The following GALNTL6 variants were observed in gnomAD, a reference collection of about 807,000 sequenced individuals.
GALNTL6 encodes the protein polypeptide N-acetylgalactosaminyltransferase like 6.
In GALNTL6, 46 loss-of-function variants were observed where a neutral mutation model predicts 73.7. That is an observed-to-expected ratio of 0.62 (90% CI 0.49 to 0.80). The LOEUF (loss-of-function observed/expected upper bound fraction) is 0.80. Among genes scored for constraint, GALNTL6 ranks in the 30% least tolerant of loss-of-function variants. GALNTL6 has a pLI of 0.00. For synonymous variants in GALNTL6, 259 were observed against 263.7 expected, an observed-to-expected ratio of 0.98 and a Z score of 0.17; for missense variants, 604 against 755.0, an observed-to-expected ratio of 0.80 and a Z score of 2.34.
intron 2 of GALNTL6, among the ~76,000 whole-genome samples, chr4:172,214,056 C>T (rs975811652): frequency 1.7e-4 from 26 of 152,294 alleles, no homozygotes; most frequent in African/African-American, 5.8e-4. Context: ...TGTACAGACT[C>T]TCCTTTCTCC....
At chr4:172,471,522 C>G (rs761691337) in intron 5 of GALNTL6, among the ~76,000 whole-genome samples, 1 of 152,024 alleles carries the variant, frequency 6.6e-6, no homozygotes, top group Non-Finnish European at 1.5e-5. Context: ...CTTTTTTTCT[C>G]TTCTGTATTT....
chr4:171,960,371 G>C (rs148618128), intron 2 of GALNTL6, among the ~76,000 whole-genome samples: 403 of 152,120 alleles, frequency 2.6e-3, no homozygotes, highest in Non-Finnish European at 4.0e-3. Flanking sequence ...CTGCCTCCCA[G>C]GTTCAAGTGA....
chr4:171,921,735 G>A (rs1012207628), intron 2 of GALNTL6, among the ~76,000 whole-genome samples: 4 of 151,960 alleles, frequency 2.6e-5, no homozygotes, highest in Non-Finnish European at 5.9e-5. Context: ...CACTTTCAAA[G>A]GAGCTTTAAG....
chr4:172,524,722 G>C (rs1000765848), intron 5 of GALNTL6, among the ~76,000 whole-genome samples: 2 of 152,050 alleles, frequency 1.3e-5, no homozygotes, highest in Non-Finnish European at 2.9e-5. Context: ...TTCCAGTTTT[G>C]TCTTTTTTGA....
At chr4:172,253,053 A>G (rs759433448) in intron 3 of GALNTL6, among the ~76,000 whole-genome samples, 4 of 152,050 alleles carry the variant, frequency 2.6e-5, no homozygotes, top group Admixed American at 6.6e-5. Flanking sequence ...TATGCTTTGT[A>G]TGATCATAAA....
At chr4:172,393,007 G>A (rs1743720312) in intron 5 of GALNTL6, among the ~76,000 whole-genome samples, 1 of 152,140 alleles carries the variant, frequency 6.6e-6, no homozygotes, top group East Asian at 1.9e-4. Context: ...TGGAGCACAA[G>A]CCCTATTGTG....
chr4:172,040,089 A>G lies in GALNTL6; in HGVS notation c.139-189567A>G, dbSNP rs185522310. ...TAGTGTGCAACATACTTTGAAAGAA[A>G]CACAAAAACAAGGTCCCTGGGATGC... On this transcript the variant is annotated intron_variant, in intron 2 of 12. Coordinates refer to ENST00000506823, the MANE Select transcript of GALNTL6 (RefSeq NM_001034845.3). Among the ~76,000 whole-genome samples, 13 of 152,260 alleles carry G rather than the reference A, an allele frequency of 8.5e-5. No individual in the cohort carries two copies. The East Asian group carries it at 1.9e-3, about 23-fold the overall frequency.
chr4:172,142,705 CCTGT>C (rs1733832398), intron 2 of GALNTL6, among the ~76,000 whole-genome samples: 1 of 151,740 alleles, frequency 6.6e-6, no homozygotes, highest in Non-Finnish European at 1.5e-5. Context: ...AGTAATTCTG[CCTGT>C]CTTAGAATTT....
chr4:172,919,536 T>G (rs1224343587), intron 8 of GALNTL6, among the ~76,000 whole-genome samples: 1 of 152,202 alleles, frequency 6.6e-6, no homozygotes, highest in Non-Finnish European at 1.5e-5. Context: ...ACAGCCCAAG[T>G]GAGCGGCAAA....
intron 2 of GALNTL6, chr4:172,052,624 G>A (rs1056166818): frequency 4.1e-6 from 3 of 733,828 alleles, no homozygotes; most frequent in African/African-American, 3.5e-5. Context: ...AGGACTTTAG[G>A]GTCACGTAGT....
intron 7 of GALNTL6, among the ~76,000 whole-genome samples, chr4:172,827,220 G>C (rs1742316918): frequency 6.6e-6 from 1 of 152,130 alleles, no homozygotes; most frequent in Non-Finnish European, 1.5e-5. Flanking sequence ...CTGAGCCCTA[G>C]CTTTGGTTTG....
chr4:172,910,798 G>A (rs922978896), intron 8 of GALNTL6, among the ~76,000 whole-genome samples: 5 of 152,206 alleles, frequency 3.3e-5, no homozygotes, highest in African/African-American at 1.2e-4. Flanking sequence ...TTCCACAGGT[G>A]TGGATCCCAG....
chr4:172,750,407 CA>C (rs1465538424), intron 5 of GALNTL6, among the ~76,000 whole-genome samples: 1 of 152,162 alleles, frequency 6.6e-6, no homozygotes, highest in East Asian at 1.9e-4. Context: ...ACAAATGAAT[CA>C]GAGGCAGGAT....
At chr4:172,955,914 A>G (rs1425295450) in intron 10 of GALNTL6, among the ~76,000 whole-genome samples, 2 of 152,086 alleles carry the variant, frequency 1.3e-5, no homozygotes, top group Non-Finnish European at 2.9e-5. Context: ...GAATTTCACA[A>G]GGTAATGTCA....
At chr4:172,770,675 G>A (rs555015719) in intron 5 of GALNTL6, among the ~76,000 whole-genome samples, 1 of 152,180 alleles carries the variant, frequency 6.6e-6, no homozygotes, top group South Asian at 2.1e-4. Flanking sequence ...TATTTACCAT[G>A]TACTTAATTG....
At chr4:172,794,144 G>C (rs967953640) in intron 5 of GALNTL6, among the ~76,000 whole-genome samples, 3 of 152,124 alleles carry the variant, frequency 2.0e-5, no homozygotes, top group Non-Finnish European at 2.9e-5. Flanking sequence ...AAACAGCCCT[G>C]CTGTAGAGGT....
At chr4:172,065,846 G>A (rs1439631095) in intron 2 of GALNTL6, among the ~76,000 whole-genome samples, 1 of 152,188 alleles carries the variant, frequency 6.6e-6, no homozygotes, top group African/African-American at 2.4e-5. Context: ...TCCAGTGAAG[G>A]GAGAAGCCCC....
At chr4:171,910,451 G>A (rs1271869416) in intron 2 of GALNTL6, among the ~76,000 whole-genome samples, 1 of 151,032 alleles carries the variant, frequency 6.6e-6, no homozygotes, top group African/African-American at 2.4e-5. Flanking sequence ...CTTTTGACGT[G>A]GGTTTTAAAA....
At chr4:172,421,515 G>A (rs533939923) in intron 5 of GALNTL6, among the ~76,000 whole-genome samples, 2 of 151,814 alleles carry the variant, frequency 1.3e-5, no homozygotes, top group South Asian at 4.2e-4. Context: ...AAATAAAAAG[G>A]ATGAGAAATA....
Sources: allele counts gnomAD v4.1 joint callset (sites outside exome capture counted in the v4.1 genomes callset), GRCh38; gene constraint gnomAD v4.1.1; transcripts MANE v1.5; gene names NCBI Gene and HGNC (gene_info 2026-07-23, HGNC 2026-07-21).